ROBO2: variants seen among roughly 807,000 people sequenced by gnomAD.
ROBO2 encodes roundabout guidance receptor 2.
A neutral mutation model predicts 160.8 loss-of-function variants in ROBO2; 53 were observed. The observed-to-expected ratio is 0.33, with a 90% confidence interval of 0.26 to 0.41. ROBO2 has a LOEUF of 0.41. Ranked by LOEUF, ROBO2 falls within the 10% of genes least tolerant of loss-of-function variation. The pLI, the probability that ROBO2 is intolerant of heterozygous loss-of-function variation, is 1.00. For synonymous variants in ROBO2, 664 were observed against 611.7 expected (o/e 1.09, Z -1.26); for missense variants, 1,577 against 1,722.4 (o/e 0.92, Z 1.49).
chr3:77,360,542 A>G (rs979085193), intron 2 of ROBO2, among the ~76,000 whole-genome samples: 1 of 152,078 alleles, frequency 6.6e-6, no homozygotes, highest in African/African-American at 2.4e-5. Flanking sequence ...TTTTACCAAT[A>G]AATTTCTTTG....
intron 2 of ROBO2, among the ~76,000 whole-genome samples, chr3:77,229,677 A>AC (rs1553858315): frequency 4.0e-5 from 6 of 151,156 alleles, no homozygotes; most frequent in African/African-American, 1.5e-4. Flanking sequence ...AAAAAAAAAA[A>AC]AGAGAGAGAA....
At chr3:76,699,535 A>C (rs749700652) in intron 2 of ROBO2, among the ~76,000 whole-genome samples, 6 of 152,136 alleles carry the variant, frequency 3.9e-5, no homozygotes, top group Admixed American at 1.3e-4. Flanking sequence ...ATCTCCTTCT[A>C]ACCCGTGCCT....
chr3:76,283,488 G>A (rs1230079261), intron 2 of ROBO2, among the ~76,000 whole-genome samples: 8 of 151,666 alleles, frequency 5.3e-5, no homozygotes, highest in South Asian at 2.1e-4. Context: ...AGCAGTTTTC[G>A]TAAACAACCT....
intron 6 of ROBO2, among the ~76,000 whole-genome samples, chr3:77,533,990 G>T (rs146819881): frequency 6.6e-6 from 1 of 151,516 alleles, no homozygotes; most frequent in Non-Finnish European, 1.5e-5. Context: ...TTGACTTTAA[G>T]TATCATTTTT....
chr3:76,648,470 G>T (rs183488921), intron 2 of ROBO2, among the ~76,000 whole-genome samples: 3 of 151,954 alleles, frequency 2.0e-5, no homozygotes, highest in Non-Finnish European at 4.4e-5. Context: ...AACATTGAAG[G>T]CTACTACAAT....
chr3:76,453,936 G>A (rs1465742931), intron 2 of ROBO2, among the ~76,000 whole-genome samples: 1 of 152,106 alleles, frequency 6.6e-6, no homozygotes, highest in Admixed American at 6.6e-5. Context: ...GGACATTCAT[G>A]TGGAGTTGCA....
intron 2 of ROBO2, among the ~76,000 whole-genome samples, chr3:77,117,962 A>G (rs1482854120): frequency 6.6e-6 from 1 of 152,212 alleles, no homozygotes; most frequent in Non-Finnish European, 1.5e-5. Flanking sequence ...TGTTCACAAA[A>G]TAAGGATTGA....
At chr3:76,650,618 C>A (rs1039506523) in intron 2 of ROBO2, among the ~76,000 whole-genome samples, 1 of 151,946 alleles carries the variant, frequency 6.6e-6, no homozygotes, top group East Asian at 1.9e-4. Context: ...AAGGTACAAG[C>A]AGGTAGCAGT....
intron 2 of ROBO2, among the ~76,000 whole-genome samples, chr3:76,159,837 A>G (rs2072552678): frequency 6.6e-6 from 1 of 152,150 alleles, no homozygotes; most frequent in Non-Finnish European, 1.5e-5. Context: ...TAGATTGTTA[A>G]CTAAAGAAAA....
At chr3:77,164,165 T>C (rs1419280718) in intron 2 of ROBO2, among the ~76,000 whole-genome samples, 1 of 152,224 alleles carries the variant, frequency 6.6e-6, no homozygotes, top group East Asian at 1.9e-4. Context: ...TATCTTTGTA[T>C]TGTTTCTTGT....
intron 2 of ROBO2, among the ~76,000 whole-genome samples, chr3:76,359,827 T>C (rs1194437154): frequency 6.6e-6 from 1 of 152,016 alleles, no homozygotes; most frequent in Non-Finnish European, 1.5e-5. Flanking sequence ...TTGTACTCTT[T>C]AAAGAAATGT....
chr3:76,798,353 G>A (rs1230164899), intron 2 of ROBO2, among the ~76,000 whole-genome samples: 1 of 151,804 alleles, frequency 6.6e-6, no homozygotes, highest in Non-Finnish European at 1.5e-5. Context: ...TTTATGTTGA[G>A]CATTTATGCA....
chr3:77,347,348 A>G (rs951907846), intron 2 of ROBO2, among the ~76,000 whole-genome samples: 2 of 152,094 alleles, frequency 1.3e-5, no homozygotes, highest in Admixed American at 6.6e-5. Context: ...TATAATATAT[A>G]TAAATAAATA....
At chr3:77,601,158 T>C (rs2094422267) in intron 19 of ROBO2, among the ~76,000 whole-genome samples, 1 of 152,168 alleles carries the variant, frequency 6.6e-6, no homozygotes, top group African/African-American at 2.4e-5. Flanking sequence ...TCAGGTACTA[T>C]TGAGTATCAG....
intron 2 of ROBO2, among the ~76,000 whole-genome samples, chr3:76,622,851 G>C (rs2121788): frequency 0.75 from 114,008 of 152,050 alleles, 43,347 homozygotes; most frequent in South Asian, 0.91. Context: ...ATATGTTGCA[G>C]GCACCTGTCA....
intron 2 of ROBO2, among the ~76,000 whole-genome samples, chr3:77,411,515 T>C (rs1455754815): frequency 1.3e-5 from 2 of 152,312 alleles, no homozygotes; most frequent in African/African-American, 4.8e-5. Flanking sequence ...AAGTAAGTTA[T>C]GGTGCAGCTT....
At chr3:77,530,696 G>C (rs1179781033) in intron 6 of ROBO2, among the ~76,000 whole-genome samples, 1 of 151,934 alleles carries the variant, frequency 6.6e-6, no homozygotes, top group Non-Finnish European at 1.5e-5. Flanking sequence ...ACAAAATCTA[G>C]GCAACTATCA....
chr3:75,981,812 A>G (rs780864804), intron 2 of ROBO2, among the ~76,000 whole-genome samples: 14 of 151,410 alleles, frequency 9.2e-5, no homozygotes, highest in Non-Finnish European at 1.9e-4. Context: ...TATACAATTA[A>G]ATTATTATTG....
At chr3:75,959,459 C>G (rs1238297464) in intron 2 of ROBO2, among the ~76,000 whole-genome samples, 1 of 151,716 alleles carries the variant, frequency 6.6e-6, no homozygotes, top group Non-Finnish European at 1.5e-5. Context: ...TACTCTTGGT[C>G]TCTAGGATGG....
Sources: gnomAD v4.1 joint callset for allele counts (sites outside exome capture counted in the v4.1 genomes callset) on GRCh38, gnomAD v4.1.1 for gene constraint, MANE v1.5 for transcripts, NCBI Gene and HGNC (gene_info 2026-07-23, HGNC 2026-07-21) for gene names.